NFAT5: variants seen among roughly 807,000 people sequenced by gnomAD.
NFAT5 encodes the protein nuclear factor of activated T-cells 5.
Under a neutral mutation model 166.5 loss-of-function variants are expected in NFAT5, and 31 were observed. The observed-to-expected ratio is 0.19, with a 90% CI of 0.14 to 0.25. The LOEUF (loss-of-function observed/expected upper bound fraction) is 0.25, where lower values mean the gene tolerates loss of function less well. Among genes scored for constraint, NFAT5 ranks in the 10% least tolerant of loss-of-function variants. The pLI, the probability that NFAT5 is intolerant of heterozygous loss-of-function variation, is 1.00. For missense variants in NFAT5, 1,449 were observed against 1,821.8 expected, an observed-to-expected ratio of 0.80 and a Z score of 3.72; for synonymous variants, 612 against 639.7, an observed-to-expected ratio of 0.96 and a Z score of 0.65.
chr16:69,601,249 A>G (rs1308255937), intron 2 of NFAT5, among the ~76,000 whole-genome samples: 2 of 152,304 alleles, frequency 1.3e-5, no homozygotes, highest in Admixed American at 6.5e-5. Flanking sequence ...CTATATATGT[A>G]TACATATCTA....
At chr16:69,678,468 C>T (rs924177640) in intron 10 of NFAT5, among the ~76,000 whole-genome samples, 5 of 152,092 alleles carry the variant, frequency 3.3e-5, no homozygotes, top group African/African-American at 1.2e-4. Context: ...CTGCCTCGGC[C>T]TCCCAAAGTG....
At chr16:69,604,586 A>T (rs1194273175) in intron 2 of NFAT5, among the ~76,000 whole-genome samples, 1 of 152,036 alleles carries the variant, frequency 6.6e-6, no homozygotes, top group Non-Finnish European at 1.5e-5. Context: ...TTTTTTAAAA[A>T]TTTTTTATTG....
At chr16:69,586,355 T>A (rs1333005069) in intron 2 of NFAT5, among the ~76,000 whole-genome samples, 4 of 152,134 alleles carry the variant, frequency 2.6e-5, no homozygotes, top group Admixed American at 6.6e-5. Context: ...ACAGATGACT[T>A]TGTGAAAAAT....
At chr16:69,614,420 A>T (rs1446816643) in intron 2 of NFAT5, among the ~76,000 whole-genome samples, 7 of 152,242 alleles carry the variant, frequency 4.6e-5, no homozygotes, top group Non-Finnish European at 7.3e-5. Context: ...ATCTTATAAT[A>T]TGAAGCTACA....
chr16:69,630,639 T>C (rs2034672176), intron 3 of NFAT5, among the ~76,000 whole-genome samples: 1 of 152,224 alleles, frequency 6.6e-6, no homozygotes, highest in African/African-American at 2.4e-5. Context: ...ATAAAAGTTA[T>C]CCAAATGAAT....
chr16:69,640,074 C>A (rs983207244), intron 3 of NFAT5, among the ~76,000 whole-genome samples: 1 of 151,994 alleles, frequency 6.6e-6, no homozygotes, highest in Admixed American at 6.6e-5. Flanking sequence ...TTTTAATAAT[C>A]TGGAATGCTT....
At chr16:69,617,944 G>A (rs2034029441) in intron 2 of NFAT5, among the ~76,000 whole-genome samples, 1 of 149,926 alleles carries the variant, frequency 6.7e-6, no homozygotes, top group South Asian at 2.1e-4. Flanking sequence ...ATCACCTGAG[G>A]TCGGGAGTTC....
intron 2 of NFAT5, among the ~76,000 whole-genome samples, chr16:69,580,524 TAA>T (rs201610452): frequency 3.7e-5 from 5 of 136,556 alleles, no homozygotes; most frequent in Non-Finnish European, 1.6e-5. Context: ...AGAGCGAAAC[TAA>T]AAAAAAAAAA....
At chr16:69,573,594 C>T (rs140925985) in intron 2 of NFAT5, among the ~76,000 whole-genome samples, 184 of 152,240 alleles carry the variant, frequency 1.2e-3, no homozygotes, top group Non-Finnish European at 1.9e-3. Context: ...TAGTTCATCC[C>T]AGCTTCTTGT....
chr16:69,618,444 TG>T (rs1470406927), intron 2 of NFAT5, among the ~76,000 whole-genome samples: 1 of 152,200 alleles, frequency 6.6e-6, no homozygotes, highest in African/African-American at 2.4e-5. Context: ...GAATATCCAG[TG>T]GACCTGCAGC....
intron 2 of NFAT5, among the ~76,000 whole-genome samples, chr16:69,603,881 A>G (rs1488378361): frequency 6.6e-6 from 1 of 152,208 alleles, no homozygotes; most frequent in African/African-American, 2.4e-5. Flanking sequence ...CCTTGCCAGT[A>G]TTATCACATG....
intron 2 of NFAT5, among the ~76,000 whole-genome samples, chr16:69,572,987 C>T (rs768787749): frequency 5.3e-5 from 8 of 152,074 alleles, no homozygotes; most frequent in Admixed American, 6.6e-5. Context: ...GGACTACAGG[C>T]GCGTGCCACC....
At chr16:69,624,531 C>CT (rs1448513680) in intron 2 of NFAT5, among the ~76,000 whole-genome samples, 1 of 152,070 alleles carries the variant, frequency 6.6e-6, no homozygotes, top group Non-Finnish European at 1.5e-5. Flanking sequence ...TCAAAAGAAA[C>CT]TTTTAAGTTT....
chr16:69,658,200 A>C (rs1489511789), intron 6 of NFAT5, among the ~76,000 whole-genome samples: 5 of 151,950 alleles, frequency 3.3e-5, no homozygotes, highest in Non-Finnish European at 5.9e-5. Flanking sequence ...AGTTGAAAAC[A>C]GGCCAGGCGT....
intron 2 of NFAT5, among the ~76,000 whole-genome samples, chr16:69,622,832 G>GA (rs11347776): frequency 1.4e-5 from 2 of 144,418 alleles, no homozygotes; most frequent in Non-Finnish European, 1.5e-5. Context: ...TTTTGTTTGG[G>GA]AAAAAAAAAA....
Position 69,647,653 on chromosome 16 carries a change from A to T in NFAT5, c.812+67A>T. On this transcript the variant is annotated intron_variant, in intron 4 of 14. Coordinates refer to ENST00000349945, the MANE Select transcript of NFAT5 (RefSeq NM_138713.4). This position sits in a 1 kb window ranked among gnomAD's most constrained non-coding sequence, Gnocchi z 4.8. ...AAACAAACAAACAAAAAAAATTCCC[A>T]ATTTTTCCTAATTGCTGAGCTCAAG... The T allele has an allele frequency of 2.2e-6, 3 of 1,372,788 alleles. No homozygotes were observed. The highest frequency in any genetic ancestry group is 2.0e-6 in the Non-Finnish European group (2 of 1,022,520). The allele number at this position is 1,372,788 out of a possible 1,614,324, so 85.0% of individuals were successfully genotyped here. A position where few individuals can be genotyped will look rare whatever the true frequency, so the allele number is the denominator to read the frequency against.
intron 10 of NFAT5, among the ~76,000 whole-genome samples, chr16:69,681,990 G>A (rs143751046): frequency 6.6e-5 from 10 of 151,872 alleles, no homozygotes; most frequent in East Asian, 1.9e-4. Flanking sequence ...TAAAGGTAGG[G>A]TCAAGGCAAA....
chr16:69,669,218 T>C (rs2036527138), intron 7 of NFAT5, among the ~76,000 whole-genome samples: 1 of 152,098 alleles, frequency 6.6e-6, no homozygotes, highest in East Asian at 1.9e-4. Context: ...TTTTGAGCAT[T>C]GTATTGGCAC....
At chr16:69,574,899 T>G (rs2016651870) in intron 2 of NFAT5, among the ~76,000 whole-genome samples, 1 of 152,086 alleles carries the variant, frequency 6.6e-6, no homozygotes. Flanking sequence ...CTCGAACTCC[T>G]GACCTCGGGT....
Sources: gnomAD v4.1 joint callset for allele counts (sites outside exome capture counted in the v4.1 genomes callset) on GRCh38, gnomAD v4.1.1 for gene constraint, Gnocchi (gnomAD v3.1) non-coding constraint, MANE v1.5 for transcripts, NCBI Gene and HGNC (gene_info 2026-07-23, HGNC 2026-07-21) for gene names.